MAPK10: variants seen among roughly 807,000 people sequenced by gnomAD.
MAPK10 encodes the protein mitogen-activated protein kinase 10, also known as JNK3 alpha protein kinase.
A neutral mutation model predicts 59.3 loss-of-function variants in MAPK10; 25 were observed. The ratio of observed to expected loss-of-function variants is 0.42; its 90% CI spans 0.31 to 0.59. The LOEUF (loss-of-function observed/expected upper bound fraction) is 0.59, where lower values mean the gene tolerates loss of function less well. MAPK10 is among the 20% of genes least tolerant of loss of function. MAPK10 has a pLI of 0.15. For missense variants in MAPK10, 351 were observed against 568.9 expected (o/e 0.62, Z 3.90); for synonymous variants, 190 against 200.5 (o/e 0.95, Z 0.44).
intron 2 of MAPK10, chr4:86,300,981 CTG>C (rs1275893144): frequency 6.6e-6 from 1 of 151,430 alleles, no homozygotes; most frequent in Non-Finnish European, 1.5e-5. Flanking sequence ...GGGTGTGATT[CTG>C]AAGGGTTTTG....
intron 4 of MAPK10, among the ~76,000 whole-genome samples, chr4:86,157,280 A>G (rs965898126): frequency 2.0e-5 from 3 of 152,030 alleles, no homozygotes; most frequent in African/African-American, 7.2e-5. Flanking sequence ...ATAGGTATCC[A>G]TATGCCAATA....
chr4:86,455,824 G>A (rs1190237728), upstream of MAPK10, among the ~76,000 whole-genome samples: 1 of 152,128 alleles, frequency 6.6e-6, no homozygotes, highest in African/African-American at 2.4e-5. Context: ...GATATTTACA[G>A]GACATTCTAC....
intron 2 of MAPK10, chr4:86,326,785 G>A (rs2096032409): frequency 6.6e-6 from 1 of 152,170 alleles, no homozygotes; most frequent in Admixed American, 6.5e-5. Flanking sequence ...CACAGTTTAT[G>A]CTAACAATTG....
At chr4:86,592,546 GCAAA>G (rs1260395397) in intron 1 of MAPK10, among the ~76,000 whole-genome samples, 2 of 152,152 alleles carry the variant, frequency 1.3e-5, no homozygotes, top group African/African-American at 4.8e-5. Context: ...TCTTTCAGAG[GCAAA>G]CAGAGACAGA....
At chr4:86,080,589 T>A (rs2050442195) in intron 9 of MAPK10, 1 of 151,716 alleles carries the variant, frequency 6.6e-6, no homozygotes. Context: ...AAAATAATAA[T>A]CTCAAAATAA....
At chr4:86,071,495 A>T (rs1176098894) in intron 9 of MAPK10, among the ~76,000 whole-genome samples, 4 of 144,858 alleles carry the variant, frequency 2.8e-5, no homozygotes, top group Non-Finnish European at 4.5e-5. Flanking sequence ...GGTAATGCCT[A>T]GGTTTTCTTC....
At chr4:86,171,289 G>C (rs929211414) in intron 3 of MAPK10, among the ~76,000 whole-genome samples, 1 of 152,046 alleles carries the variant, frequency 6.6e-6, no homozygotes, top group Non-Finnish European at 1.5e-5. Flanking sequence ...CCTAGGAGCT[G>C]GTTTTTTGAA....
chr4:86,120,580 T>C (rs1229894144), intron 4 of MAPK10: 2 of 152,216 alleles, frequency 1.3e-5, no homozygotes, highest in African/African-American at 4.8e-5. Flanking sequence ...TGGAGAAATA[T>C]TAACTTCATC....
intron 1 of MAPK10, among the ~76,000 whole-genome samples, chr4:86,412,946 T>C (rs1016753039): frequency 6.6e-6 from 1 of 152,348 alleles, no homozygotes; most frequent in East Asian, 1.9e-4. Flanking sequence ...GTTCCCTTGC[T>C]GGCAAGGAGC....
chr4:86,480,318 A>AC (rs201555001), intron 1 of MAPK10, among the ~76,000 whole-genome samples: 1,563 of 148,470 alleles, frequency 0.011, 7 homozygotes, highest in East Asian at 0.032. Flanking sequence ...GCACCCTGTG[A>AC]CCCCCCCACT....
intron 1 of MAPK10, among the ~76,000 whole-genome samples, chr4:86,431,174 G>A (rs1279147824): frequency 6.6e-6 from 1 of 151,982 alleles, no homozygotes; most frequent in Non-Finnish European, 1.5e-5. Flanking sequence ...TGACAATTAA[G>A]AAAAAATATT....
chr4:86,509,419 A>T (rs1292539572), intron 1 of MAPK10, among the ~76,000 whole-genome samples: 1 of 151,280 alleles, frequency 6.6e-6, no homozygotes, highest in Non-Finnish European at 1.5e-5. Context: ...TGGCATAAAA[A>T]TTGCTTTGTC....
At chr4:86,208,371 C>T (rs1384399596) in intron 2 of MAPK10, among the ~76,000 whole-genome samples, 2 of 148,408 alleles carry the variant, frequency 1.3e-5, no homozygotes, top group African/African-American at 2.6e-5. Flanking sequence ...TCCAGCAGCA[C>T]ATCAAAAAGC....
chr4:86,425,291 A>G (rs751252526), intron 1 of MAPK10, among the ~76,000 whole-genome samples: 1 of 152,224 alleles, frequency 6.6e-6, no homozygotes, highest in Non-Finnish European at 1.5e-5. Context: ...AGTAGTACCA[A>G]CATTATTTCT....
chr4:86,575,631 A>T (rs2149109915), intron 1 of MAPK10, among the ~76,000 whole-genome samples: 1 of 151,610 alleles, frequency 6.6e-6, no homozygotes, highest in South Asian at 2.1e-4. Context: ...ATGCTTTGGG[A>T]GGGGATGACA....
chr4:86,372,544 G>A (rs1738946994), intron 1 of MAPK10, among the ~76,000 whole-genome samples: 1 of 76,194 alleles, frequency 1.3e-5, no homozygotes. Flanking sequence ...AAGAAAGAAA[G>A]AAAGAAAGAA....
chr4:86,407,836 A>T (rs564094119), intron 1 of MAPK10, among the ~76,000 whole-genome samples: 2 of 152,200 alleles, frequency 1.3e-5, no homozygotes, highest in South Asian at 2.1e-4. Flanking sequence ...AATTAGTTGT[A>T]TATGTTTCAC....
intron 4 of MAPK10, among the ~76,000 whole-genome samples, chr4:86,157,702 C>T (rs1174356875): frequency 6.6e-6 from 1 of 151,918 alleles, no homozygotes; most frequent in East Asian, 1.9e-4. Context: ...AACTTCCACC[C>T]TATAGAAAGG....
At chr4:86,107,505 T>C in intron 4 of MAPK10, 153 bp from the exon 5 acceptor site, 1 of 1,318,720 alleles carries the variant, frequency 7.6e-7, no homozygotes, top group South Asian at 2.3e-5. Flanking sequence ...TAAGTAAAGA[T>C]ATGAGTGACT....
Sources: gnomAD v4.1 joint callset for allele counts (sites outside exome capture counted in the v4.1 genomes callset) on GRCh38, gnomAD v4.1.1 for gene constraint, MANE v1.5 for transcripts, NCBI Gene and HGNC (gene_info 2026-07-23, HGNC 2026-07-21) for gene names.